The following STAB2 variants were observed in gnomAD, a reference collection of about 807,000 sequenced individuals.
STAB2 encodes stabilin 2, also known as stabilin-2.
A neutral mutation model predicts 338.1 loss-of-function variants in STAB2; 288 were observed. The ratio of observed to expected loss-of-function variants is 0.85; its 90% CI spans 0.77 to 0.94. The LOEUF (loss-of-function observed/expected upper bound fraction) is 0.94, where lower values mean the gene tolerates loss of function less well. Among genes scored for constraint, STAB2 ranks in the 40% least tolerant of loss-of-function variants. STAB2 has a pLI of 0.00. For missense variants in STAB2, 3,141 were observed against 3,210.1 expected (o/e 0.98, Z 0.52); for synonymous variants, 1,202 against 1,193.3 (o/e 1.01, Z -0.15).
intron 1 of STAB2, among the ~76,000 whole-genome samples, chr12:103,588,960 C>T (rs1346709153): frequency 2.0e-5 from 3 of 152,146 alleles, no homozygotes; most frequent in African/African-American, 7.2e-5. Context: ...CTATACTCCA[C>T]TCAGGTGCAG....
chr12:103,664,763 T>C (rs1467549876), intron 18 of STAB2, among the ~76,000 whole-genome samples: 2 of 152,226 alleles, frequency 1.3e-5, no homozygotes, highest in Non-Finnish European at 2.9e-5. Context: ...TTTTAATTGA[T>C]GTAATGACTC....
chr12:103,712,507 T>C (rs1192284738), intron 41 of STAB2, 64 bp downstream of exon 41: 15 of 1,296,402 alleles, frequency 1.2e-5, no homozygotes, highest in Non-Finnish European at 1.6e-5. Flanking sequence ...TGAGAGGTTC[T>C]TGTTCCTGCA....
rs752679212 is a variant in STAB2 at position 103,733,122 on chromosome 12, C to G, written c.5400C>G (p.Asn1800Lys). ...CTGAACAACAGGACTTCCTGTTCAA[C>G]CAAGACAACAAGGACAAGCTGAAGG... ...LPAEQQDFLF[N>K]QDNKDKLKEY... The change falls in exon 51 of 69, where the codon AAC becomes AAG. Residue 1800 changes from asparagine to lysine, a missense_variant. Coordinates refer to ENST00000388887, the MANE Select transcript of STAB2 (RefSeq NM_017564.10). 6.2e-7 allele frequency: 1 copy of G among 1,614,146 alleles called. No individual in the cohort carries two copies. Among genetic ancestry groups the G allele is most frequent in the Non-Finnish European group, 8.5e-7 (1 of 1,180,026 alleles).
At chr12:103,632,710 C>T (rs1957482446) in intron 6 of STAB2, among the ~76,000 whole-genome samples, 9 of 152,194 alleles carry the variant, frequency 5.9e-5, no homozygotes. Context: ...AAGGAACACG[C>T]AGCAGCAGCA....
At chr12:103,756,133 G>A (rs1186568929) in intron 63 of STAB2, among the ~76,000 whole-genome samples, 1 of 152,160 alleles carries the variant, frequency 6.6e-6, no homozygotes, top group Non-Finnish European at 1.5e-5. Flanking sequence ...CCTCTTCATG[G>A]ATGTAGTTAG....
At chr12:103,706,677 T>G in intron 37 of STAB2, 115 bp from the exon 38 acceptor site, 14 of 1,363,166 alleles carry the variant, frequency 1.0e-5, no homozygotes, top group Non-Finnish European at 1.4e-5. Flanking sequence ...ACCCACTCCA[T>G]GTGAGGTCGA....
At chr12:103,698,954 G>A in intron 33 of STAB2, 142 bp from the exon 34 acceptor site, 5 of 983,672 alleles carry the variant, frequency 5.1e-6, no homozygotes, top group African/African-American at 1.6e-5. Flanking sequence ...ATTGAATATT[G>A]TGTCTTAATA....
intron 49 of STAB2, 144 bp downstream of exon 49, chr12:103,730,400 C>A: frequency 1.0e-6 from 1 of 969,444 alleles, no homozygotes; most frequent in Non-Finnish European, 1.5e-6. Context: ...AAACATTATT[C>A]TTAGTAAGAA....
chr12:103,606,274 T>C (rs1957026311), intron 3 of STAB2, among the ~76,000 whole-genome samples: 1 of 152,176 alleles, frequency 6.6e-6, no homozygotes, highest in Admixed American at 6.5e-5. Flanking sequence ...ATTTCTACAC[T>C]CCTATCCTTG....
At chr12:103,652,822 C>T (rs1873845060) in intron 12 of STAB2, 117 bp downstream of exon 12, 5 of 1,234,258 alleles carry the variant, frequency 4.1e-6, no homozygotes, top group Non-Finnish European at 1.1e-6. Context: ...ATTCTTTCCT[C>T]ATGTATTATT....
intron 39 of STAB2, among the ~76,000 whole-genome samples, chr12:103,709,628 C>T (rs527971977): frequency 6.6e-6 from 1 of 152,142 alleles, no homozygotes; most frequent in South Asian, 2.1e-4. Context: ...CCAGGCAATG[C>T]AAAAATCAAG....
intron 44 of STAB2, among the ~76,000 whole-genome samples, chr12:103,719,203 C>T (rs1880563968): frequency 6.6e-6 from 1 of 152,210 alleles, no homozygotes; most frequent in Non-Finnish European, 1.5e-5. Flanking sequence ...GTGTGGTCAG[C>T]TAGGCCTCTG....
chr12:103,725,885 T>A (rs1245166938), intron 45 of STAB2, among the ~76,000 whole-genome samples: 1 of 152,230 alleles, frequency 6.6e-6, no homozygotes, highest in Non-Finnish European at 1.5e-5. Flanking sequence ...TGGAAATGGC[T>A]GAACCTTTCT....
intron 61 of STAB2, among the ~76,000 whole-genome samples, chr12:103,754,103 C>T (rs941302985): frequency 2.0e-5 from 3 of 152,100 alleles, no homozygotes; most frequent in African/African-American, 7.2e-5. Flanking sequence ...AGCCCCTTCT[C>T]CAACCTCCAT....
Position 103,742,538 on chromosome 12 carries a change from C to T in STAB2, c.6015C>T (p.Phe2005=), listed in dbSNP as rs2292688. Residue 2005 remains phenylalanine (F), a synonymous_variant, in exon 56 of 69, where the codon TTC becomes TTT. Coordinates refer to ENST00000388887, the MANE Select transcript of STAB2 (RefSeq NM_017564.10). ...TACEMCWPGR[F]GPDCLPCGCS... ...GTGAGATGTGCTGGCCGGGGAGATT[C>T]GGGCCTGATTGTCTGCGTATGTGGC... The T allele has an allele frequency of 0.11, 182,255 of 1,613,952 alleles. 12,058 individuals carry two copies. Among genetic ancestry groups the T allele is most frequent in the East Asian group, 0.26 (11,834 of 44,860 alleles).
chr12:103,692,925 C>CTTT, intron 31 of STAB2, 36 bp downstream of exon 31: 3 of 1,567,734 alleles, frequency 1.9e-6, no homozygotes, highest in Non-Finnish European at 2.6e-6. Flanking sequence ...TGCAGCATCT[C>CTTT]TTTTCCCTTT....
intron 40 of STAB2, 70 bp downstream of exon 40, chr12:103,711,586 C>G (rs1053326741): frequency 1.9e-6 from 3 of 1,548,030 alleles, no homozygotes; most frequent in Non-Finnish European, 2.7e-6. Context: ...CTACCCTAGT[C>G]TCTATCCTCA....
intron 45 of STAB2, among the ~76,000 whole-genome samples, chr12:103,725,525 T>C (rs1566050113): frequency 6.6e-6 from 1 of 152,256 alleles, no homozygotes; most frequent in Non-Finnish European, 1.5e-5. Flanking sequence ...ATGGCGTGGA[T>C]TGCAGTGTGT....
At position 103,704,593 on chromosome 12, in the gene STAB2, C is replaced by G. The variant is rs1187237535; in HGVS notation, c.3879C>G (p.Cys1293Trp). The G allele has an allele frequency of 6.2e-7, 1 of 1,613,660 alleles. No homozygotes were observed. The highest frequency in any genetic ancestry group is 8.5e-7 in the Non-Finnish European group (1 of 1,179,830). Residue 1293 changes from cysteine (C) to tryptophan (W), a missense_variant, in exon 36 of 69, where the codon TGC (cysteine) becomes TGG (tryptophan). By Grantham distance (215) the Cys-to-Trp change is radical (BLOSUM62 -2). Coordinates refer to ENST00000388887, the MANE Select transcript of STAB2 (RefSeq NM_017564.10). ...RCRTCSSELT[C>W]PFGTKSLGNE... Reference sequence around the variant, plus strand: ...GGACATGCTCCTCAGAGCTGACCTGCCCATTCGGAACTAAATCTCTAGTAA... The same window carrying G: ...GGACATGCTCCTCAGAGCTGACCTGGCCATTCGGAACTAAATCTCTAGTAA...
Sources: allele counts gnomAD v4.1 joint callset (sites outside exome capture counted in the v4.1 genomes callset), GRCh38; gene constraint gnomAD v4.1.1; transcripts MANE v1.5; gene names NCBI Gene and HGNC (gene_info 2026-07-23, HGNC 2026-07-21).